GRB10: variants seen among roughly 807,000 people sequenced by gnomAD.
The protein encoded by GRB10 is growth factor receptor bound protein 10, also known as growth factor receptor-bound protein 10.
A neutral mutation model predicts 80.9 loss-of-function variants in GRB10; 20 were observed. That is an observed-to-expected ratio of 0.25 (90% CI 0.17 to 0.36). The LOEUF (loss-of-function observed/expected upper bound fraction) is 0.36, where lower values mean the gene tolerates loss of function less well. GRB10 is among the 10% of genes least tolerant of loss of function. GRB10 has a pLI of 1.00. For missense variants in GRB10, 548 were observed against 747.7 expected, an observed-to-expected ratio of 0.73 and a Z score of 3.12; for synonymous variants, 291 against 291.5, an observed-to-expected ratio of 1.00 and a Z score of 0.02.
intron 7 of GRB10, among the ~76,000 whole-genome samples, chr7:50,662,835 C>T (rs918813241): frequency 1.5e-4 from 23 of 152,204 alleles, no homozygotes; most frequent in African/African-American, 5.5e-4. Flanking sequence ...TCTAACATCA[C>T]CTGATTCATC....
chr7:50,632,752 A>G (rs2153598581), intron 7 of GRB10, among the ~76,000 whole-genome samples: 2 of 152,206 alleles, frequency 1.3e-5, no homozygotes, highest in Middle Eastern at 6.8e-3. Context: ...CTCCAGGGCT[A>G]CCTGCTGGGC....
chr7:50,683,867 G>T (rs898035763), intron 5 of GRB10, among the ~76,000 whole-genome samples: 2 of 152,216 alleles, frequency 1.3e-5, no homozygotes, highest in African/African-American at 4.8e-5. Context: ...TTGTTCCCAG[G>T]TTACCCTCCA....
chr7:50,724,046 C>A (rs1421995116), intron 4 of GRB10, among the ~76,000 whole-genome samples: 1 of 152,194 alleles, frequency 6.6e-6, no homozygotes, highest in African/African-American at 2.4e-5. Context: ...CAGATGCTGT[C>A]CCCCATGATC....
At chr7:50,777,318 T>G (rs543209639) in intron 2 of GRB10, among the ~76,000 whole-genome samples, 7 of 152,032 alleles carry the variant, frequency 4.6e-5, no homozygotes, top group African/African-American at 1.7e-4. Context: ...CTATGTCCAC[T>G]CTTATGACTT....
upstream of GRB10, among the ~76,000 whole-genome samples, chr7:50,784,128 C>T (rs895220075): frequency 1.3e-5 from 2 of 152,194 alleles, no homozygotes; most frequent in African/African-American, 4.8e-5. Context: ...CTGCAAGAAA[C>T]ATTGAAGGTG....
intron 10 of GRB10, 147 bp downstream of exon 10, chr7:50,617,924 C>T: frequency 1.3e-6 from 1 of 747,312 alleles, no homozygotes; most frequent in Non-Finnish European, 2.4e-6. Context: ...TAAACCCTCC[C>T]CCCAACCACC....
At chr7:50,778,679 C>T (rs117364334) in intron 2 of GRB10, among the ~76,000 whole-genome samples, 8,948 of 152,230 alleles carry the variant, frequency 0.059, 612 homozygotes, top group Admixed American at 0.18. Context: ...CAGAAACAGG[C>T]AAGGGCCCCA....
intron 18 of GRB10, among the ~76,000 whole-genome samples, chr7:50,594,394 C>G (rs2046282141): frequency 6.6e-6 from 1 of 152,230 alleles, no homozygotes; most frequent in Admixed American, 6.5e-5. Context: ...GGCTGCCAGT[C>G]ACTACACGAT....
intron 4 of GRB10, among the ~76,000 whole-genome samples, chr7:50,728,350 G>T (rs1175621449): frequency 1.3e-5 from 2 of 152,086 alleles, no homozygotes; most frequent in African/African-American, 4.8e-5. Context: ...TCAACTCTCG[G>T]AGATGATGTC....
At chr7:50,647,037 A>G (rs559703055) in intron 7 of GRB10, among the ~76,000 whole-genome samples, 39 of 152,252 alleles carry the variant, frequency 2.6e-4, no homozygotes, top group Non-Finnish European at 4.4e-4. Context: ...AGTGTGGAGC[A>G]TAAGATGAAA....
chr7:50,712,394 G>C (rs4947804), intron 4 of GRB10, among the ~76,000 whole-genome samples: 138,460 of 152,298 alleles, frequency 0.91, 63,090 homozygotes, highest in African/African-American at 0.97. Flanking sequence ...AAAAAGAAAA[G>C]TCAGCAAGCC....
intron 5 of GRB10, among the ~76,000 whole-genome samples, chr7:50,675,352 A>C (rs2060817378): frequency 6.6e-6 from 1 of 152,204 alleles, no homozygotes; most frequent in Non-Finnish European, 1.5e-5. Flanking sequence ...GCGGCGGAAA[A>C]CGCACTGTAG....
chr7:50,706,440 G>A (rs770978548), intron 4 of GRB10, among the ~76,000 whole-genome samples: 10 of 152,172 alleles, frequency 6.6e-5, no homozygotes, highest in African/African-American at 2.2e-4. Context: ...CAGAGGCCAC[G>A]TGCACTTTTT....
At chr7:50,629,139 T>C (rs988461296) in intron 7 of GRB10, among the ~76,000 whole-genome samples, 2 of 152,214 alleles carry the variant, frequency 1.3e-5, no homozygotes, top group African/African-American at 4.8e-5. Flanking sequence ...TGAGCTTATC[T>C]GCACTGAGGA....
In GRB10 at chr7:50,743,435, G is replaced by C. The variant is rs531685597; in HGVS notation, c.-46-11067C>G. Among the ~76,000 whole-genome samples, 70 of 152,370 alleles carry C rather than the reference G, an allele frequency of 4.6e-4. 1 individual carries two copies. In the Middle Eastern group the frequency reaches 0.014, roughly 30 times the overall value. On this transcript the variant is annotated intron_variant, in intron 3 of 18. Coordinates refer to ENST00000401949, the MANE Select transcript of GRB10 (RefSeq NM_001350814.2). ...GGCTTTGAAACGTAAGCGTGGGTCA[G>C]ATCACGCAGTGCTGCGAAGCACAGC...
intron 5 of GRB10, among the ~76,000 whole-genome samples, chr7:50,681,121 T>G (rs2061496372): frequency 6.6e-6 from 1 of 152,234 alleles, no homozygotes; most frequent in African/African-American, 2.4e-5. Context: ...TGTTTAAGTA[T>G]CTATGGCTGC....
At chr7:50,777,081 A>T (rs1267695248) in intron 2 of GRB10, among the ~76,000 whole-genome samples, 1 of 152,210 alleles carries the variant, frequency 6.6e-6, no homozygotes. Flanking sequence ...CAGGTTAGGT[A>T]ATTTATAAAT....
intron 7 of GRB10, among the ~76,000 whole-genome samples, chr7:50,654,381 C>T (rs2058391320): frequency 6.6e-6 from 1 of 152,204 alleles, no homozygotes; most frequent in South Asian, 2.1e-4. Flanking sequence ...TGGCCGCTGC[C>T]AAGCCTCACA....
chr7:50,668,346 T>C (rs2060020550), intron 7 of GRB10, among the ~76,000 whole-genome samples: 1 of 143,804 alleles, frequency 7.0e-6, no homozygotes, highest in African/African-American at 2.6e-5. Context: ...GGAGAAGAGA[T>C]GATTCAAGTA....
Sources: gnomAD v4.1 joint callset for allele counts (sites outside exome capture counted in the v4.1 genomes callset) on GRCh38, gnomAD v4.1.1 for gene constraint, MANE v1.5 for transcripts, NCBI Gene and HGNC (gene_info 2026-07-23, HGNC 2026-07-21) for gene names.